SKAP2: variants seen among roughly 807,000 people sequenced by gnomAD.
The protein encoded by SKAP2 is src kinase associated phosphoprotein 2.
Under a neutral mutation model 54.9 loss-of-function variants are expected in SKAP2, and 28 were observed. That is an observed-to-expected ratio of 0.51 (90% confidence interval 0.38 to 0.70). SKAP2 has a LOEUF of 0.70. Among genes scored for constraint, SKAP2 ranks in the 30% least tolerant of loss-of-function variants. The pLI is 0.00. For missense variants in SKAP2, 356 were observed against 424.1 expected (o/e 0.84, Z 1.41); for synonymous variants, 137 against 134.3 (o/e 1.02, Z -0.14).
chr7:26,738,584 T>C (rs546572123), intron 6 of SKAP2, among the ~76,000 whole-genome samples: 1 of 152,308 alleles, frequency 6.6e-6, no homozygotes, highest in South Asian at 2.1e-4. Context: ...TCTAATTCAA[T>C]ACAACACAAT....
chr7:26,763,856 T>C (rs932570987), intron 4 of SKAP2, among the ~76,000 whole-genome samples: 3 of 152,180 alleles, frequency 2.0e-5, no homozygotes, highest in Admixed American at 2.0e-4. Flanking sequence ...TACTGAATAC[T>C]GTAGGCAGCT....
At chr7:26,820,290 T>C (rs1784362389) in intron 4 of SKAP2, among the ~76,000 whole-genome samples, 1 of 152,184 alleles carries the variant, frequency 6.6e-6, no homozygotes, top group Non-Finnish European at 1.5e-5. Flanking sequence ...ACTAATAAGT[T>C]TTCTCAAAAG....
chr7:26,782,193 T>C (rs1224771139), intron 4 of SKAP2, among the ~76,000 whole-genome samples: 1 of 152,116 alleles, frequency 6.6e-6, no homozygotes, highest in Non-Finnish European at 1.5e-5. Flanking sequence ...ATCATTTGGG[T>C]ATATGTTGAG....
At chr7:26,805,291 G>C (rs1784002665) in intron 4 of SKAP2, among the ~76,000 whole-genome samples, 1 of 152,120 alleles carries the variant, frequency 6.6e-6, no homozygotes, top group Non-Finnish European at 1.5e-5. Context: ...CATAATTTTT[G>C]TAGGAATTAT....
At chr7:26,720,430 T>C (rs1392631975) in intron 9 of SKAP2, among the ~76,000 whole-genome samples, 1 of 152,194 alleles carries the variant, frequency 6.6e-6, no homozygotes, top group Non-Finnish European at 1.5e-5. Flanking sequence ...ACATTTATAT[T>C]CAGCAAAGAT....
chr7:26,722,729 C>T (rs1023493791), intron 9 of SKAP2, among the ~76,000 whole-genome samples: 6 of 152,094 alleles, frequency 3.9e-5, no homozygotes, highest in East Asian at 1.9e-4. Flanking sequence ...TTTAAAACCA[C>T]GTTTTCTTCT....
chr7:26,803,476 G>T (rs931542552), intron 4 of SKAP2, among the ~76,000 whole-genome samples: 1 of 152,214 alleles, frequency 6.6e-6, no homozygotes, highest in African/African-American at 2.4e-5. Context: ...AGCAAATGCT[G>T]ACGAGCATGT....
chr7:26,806,006 A>G (rs1456380632), intron 4 of SKAP2, among the ~76,000 whole-genome samples: 4 of 151,982 alleles, frequency 2.6e-5, no homozygotes, highest in Non-Finnish European at 5.9e-5. Flanking sequence ...TTTCATTATT[A>G]TTATATCTGT....
At chr7:26,788,605 T>C (rs1009843216) in intron 4 of SKAP2, among the ~76,000 whole-genome samples, 7 of 152,194 alleles carry the variant, frequency 4.6e-5, no homozygotes, top group Non-Finnish European at 1.0e-4. Context: ...ATTAATCTTA[T>C]ACCCCTTTAT....
Position 26,806,723 on chromosome 7 carries a change from T to C in SKAP2, c.307+37307A>G, listed in dbSNP as rs184086260. On this transcript the variant is annotated intron_variant, in intron 4 of 12. Coordinates refer to ENST00000345317, the MANE Select transcript of SKAP2 (RefSeq NM_003930.5). ...CCTTTTTGCTGATATGAAGTGTCAG[T>C]GGTCTGGATAGAAGATTAAATCAGT... Among the ~76,000 whole-genome samples the C allele has an allele frequency of 8.5e-5, 13 of 152,312 alleles. No individual in the cohort carries two copies. In the East Asian group the frequency reaches 2.3e-3, roughly 27 times the overall value.
At chr7:26,731,837 A>G (rs1355034687) in intron 6 of SKAP2, among the ~76,000 whole-genome samples, 1 of 152,070 alleles carries the variant, frequency 6.6e-6, no homozygotes. Context: ...GTTACCCCCT[A>G]CACTCCAATG....
intron 4 of SKAP2, among the ~76,000 whole-genome samples, chr7:26,784,555 T>A (rs1783499284): frequency 6.6e-6 from 1 of 152,228 alleles, no homozygotes. Context: ...CTAAAGGTGA[T>A]GAATCATTCA....
intron 9 of SKAP2, among the ~76,000 whole-genome samples, chr7:26,714,192 A>G (rs776325112): frequency 1.1e-4 from 16 of 152,176 alleles, no homozygotes; most frequent in Non-Finnish European, 1.9e-4. Flanking sequence ...AAGCACGATT[A>G]GGTTGTAGTT....
At chr7:26,713,661 G>A (rs1234258208) in intron 9 of SKAP2, among the ~76,000 whole-genome samples, 4 of 151,692 alleles carry the variant, frequency 2.6e-5, no homozygotes, top group South Asian at 2.1e-4. Flanking sequence ...GTGCAGTGGC[G>A]CGATCTCGGC....
rs778778795 is a variant in SKAP2 at position 26,690,280 on chromosome 7, A to G, written c.874+5T>C. 1.9e-6 allele frequency: 3 copies of G among 1,590,056 alleles called. No homozygotes were observed. In the Admixed American group the frequency reaches 5.0e-5, roughly 27 times the overall value. ...GGTTTGCCAAGAAGCTACACAAGTC[A>G]TTACCTGAGGTGTGATGGACACTAT... is the stretch of plus-strand genomic sequence containing the variant. On this transcript the variant is annotated splice_donor_5th_base_variant and intron_variant, in intron 10 of 12. Coordinates refer to ENST00000345317, the MANE Select transcript of SKAP2 (RefSeq NM_003930.5).
intron 4 of SKAP2, among the ~76,000 whole-genome samples, chr7:26,824,526 T>A (rs928364793): frequency 6.6e-6 from 1 of 151,990 alleles, no homozygotes; most frequent in African/African-American, 2.4e-5. Context: ...TAGGCCAAAT[T>A]TGTAACTTGG....
At chr7:26,709,329 T>A (rs1009772975) in intron 9 of SKAP2, among the ~76,000 whole-genome samples, 1 of 151,962 alleles carries the variant, frequency 6.6e-6, no homozygotes, top group African/African-American at 2.4e-5. Context: ...TCATAAGCAG[T>A]GGTCTGAGAA....
At chr7:26,662,446 C>G (rs1357628101), downstream of SKAP2, among the ~76,000 whole-genome samples, 3 of 152,054 alleles carry the variant, frequency 2.0e-5, no homozygotes, top group African/African-American at 7.2e-5. Context: ...AGTGGCTTAA[C>G]CTGCTAAGAA....
chr7:26,766,667 A>C (rs553029416), intron 4 of SKAP2, among the ~76,000 whole-genome samples: 2 of 152,210 alleles, frequency 1.3e-5, no homozygotes, highest in Non-Finnish European at 2.9e-5. Context: ...TTTTATTGAG[A>C]GTTTTTAGCA....
Sources: allele counts gnomAD v4.1 joint callset (sites outside exome capture counted in the v4.1 genomes callset), GRCh38; gene constraint gnomAD v4.1.1; transcripts MANE v1.5; gene names NCBI Gene and HGNC (gene_info 2026-07-23, HGNC 2026-07-21).